Variants in SLC9A9 observed in about 807,000 individuals in gnomAD.
SLC9A9 encodes solute carrier family 9 member A9.
A neutral mutation model predicts 77.8 loss-of-function variants in SLC9A9; 62 were observed. The ratio of observed to expected loss-of-function variants is 0.80; its 90% CI spans 0.65 to 0.98. The LOEUF (loss-of-function observed/expected upper bound fraction) is 0.98. Among genes scored for constraint, SLC9A9 ranks in the 50% least tolerant of loss-of-function variants. The pLI is 0.00. For synonymous variants in SLC9A9, 320 were observed against 283.5 expected (o/e 1.13, Z -1.29); for missense variants, 775 against 774.9 (o/e 1.00, Z 0.00).
At chr3:143,316,211 C>A (rs1411363709) in intron 14 of SLC9A9, among the ~76,000 whole-genome samples, 2 of 152,140 alleles carry the variant, frequency 1.3e-5, no homozygotes, top group Admixed American at 1.3e-4. Context: ...AAATTTGGCC[C>A]CTTGGGCAAA....
At chr3:143,585,117 C>T (rs2037520050) in intron 6 of SLC9A9, among the ~76,000 whole-genome samples, 1 of 152,162 alleles carries the variant, frequency 6.6e-6, no homozygotes, top group Non-Finnish European at 1.5e-5. Flanking sequence ...CTGAGAATCC[C>T]TTCACAGCTG....
intron 4 of SLC9A9, among the ~76,000 whole-genome samples, chr3:143,716,405 A>G (rs1160519520): frequency 6.6e-6 from 1 of 151,182 alleles, no homozygotes; most frequent in Non-Finnish European, 1.5e-5. Flanking sequence ...TTTTTTAAGG[A>G]AAATCACATA....
intron 11 of SLC9A9, among the ~76,000 whole-genome samples, chr3:143,489,060 T>C (rs955407913): frequency 1.3e-5 from 2 of 151,944 alleles, no homozygotes; most frequent in African/African-American, 4.8e-5. Context: ...AAAGTCAACA[T>C]GCAAAAATCA....
At chr3:143,415,880 G>A (rs150435789) in intron 12 of SLC9A9, among the ~76,000 whole-genome samples, 200 of 152,288 alleles carry the variant, frequency 1.3e-3, no homozygotes, top group Middle Eastern at 6.8e-3. Flanking sequence ...AGACCTTCTA[G>A]AAAGAATGCA....
At chr3:143,405,359 A>G (rs185484785) in intron 12 of SLC9A9, among the ~76,000 whole-genome samples, 1 of 152,252 alleles carries the variant, frequency 6.6e-6, no homozygotes, top group East Asian at 1.9e-4. Flanking sequence ...TTGGATTGAT[A>G]ATATCTACCC....
chr3:143,467,762 A>AGAGAGAG (rs1553758010), intron 11 of SLC9A9, among the ~76,000 whole-genome samples: 1 of 151,922 alleles, frequency 6.6e-6, no homozygotes. Flanking sequence ...AGAGAGACAG[A>AGAGAGAG]AACATTTCCA....
At chr3:143,295,697 C>A (rs1191429517) in intron 14 of SLC9A9, among the ~76,000 whole-genome samples, 4 of 152,186 alleles carry the variant, frequency 2.6e-5, no homozygotes, top group African/African-American at 9.7e-5. Context: ...TTTATCATCA[C>A]CTACACCCTC....
At chr3:143,442,285 C>A (rs537241138) in intron 12 of SLC9A9, among the ~76,000 whole-genome samples, 1 of 152,212 alleles carries the variant, frequency 6.6e-6, no homozygotes, top group African/African-American at 2.4e-5. Context: ...AGTGGAGATA[C>A]GCCCTCATGT....
chr3:143,825,793 T>A (rs1276131499), intron 2 of SLC9A9, among the ~76,000 whole-genome samples: 2 of 152,190 alleles, frequency 1.3e-5, no homozygotes, highest in Non-Finnish European at 2.9e-5. Context: ...TGATAGGAAG[T>A]GTAAATTTAA....
intron 9 of SLC9A9, among the ~76,000 whole-genome samples, chr3:143,541,459 T>C (rs2036688530): frequency 6.6e-6 from 1 of 152,230 alleles, no homozygotes; most frequent in Non-Finnish European, 1.5e-5. Flanking sequence ...CCAGCAAAGC[T>C]GATACTCCTG....
chr3:143,441,518 C>T (rs536901418), intron 12 of SLC9A9, among the ~76,000 whole-genome samples: 6 of 152,228 alleles, frequency 3.9e-5, no homozygotes, highest in African/African-American at 1.4e-4. Context: ...AAGAGTTAGT[C>T]AAAGGCATCT....
At chr3:143,705,898 A>G (rs564813026) in intron 4 of SLC9A9, among the ~76,000 whole-genome samples, 1 of 152,346 alleles carries the variant, frequency 6.6e-6, no homozygotes, top group South Asian at 2.1e-4. Flanking sequence ...TCTGTTTTCC[A>G]GAAGGAGAGA....
At position 143,585,773 on chromosome 3, in the gene SLC9A9, C is replaced by T. The variant is rs1229903461; in HGVS notation, c.756-7050G>A. On this transcript the variant is annotated intron_variant, in intron 6 of 15. Coordinates refer to ENST00000316549, the MANE Select transcript of SLC9A9 (RefSeq NM_173653.4). ...TCTCAAGGCACATCAAACCCAAGAG[C>T]CTTCAGGTTCTGCTCATGCTGACTC... Among the ~76,000 whole-genome samples, 5 of 152,210 alleles carry T rather than the reference C, an allele frequency of 3.3e-5. No individual in the cohort carries two copies. The East Asian group carries it at 9.6e-4, about 29-fold the overall frequency.
intron 6 of SLC9A9, among the ~76,000 whole-genome samples, chr3:143,600,390 A>G (rs1210300037): frequency 6.6e-6 from 1 of 152,238 alleles, no homozygotes. Context: ...ATACAGCCAT[A>G]AGAAAGGATG....
intron 12 of SLC9A9, among the ~76,000 whole-genome samples, chr3:143,430,652 C>T (rs78461358): frequency 0.016 from 2,364 of 152,280 alleles, 38 homozygotes; most frequent in Non-Finnish European, 0.025. Context: ...GCATGTGGCC[C>T]TCTGGGGGAA....
intron 13 of SLC9A9, among the ~76,000 whole-genome samples, chr3:143,375,993 C>T (rs1576457118): frequency 6.6e-6 from 1 of 152,110 alleles, no homozygotes; most frequent in Non-Finnish European, 1.5e-5. Flanking sequence ...GACTGGCTGG[C>T]AACTCAACCC....
intron 6 of SLC9A9, among the ~76,000 whole-genome samples, chr3:143,608,049 G>A (rs1454401666): frequency 1.3e-5 from 2 of 152,050 alleles, no homozygotes; most frequent in Non-Finnish European, 1.5e-5. Flanking sequence ...AATATATAAT[G>A]AAATATTAAA....
rs2035801224 is a variant in SLC9A9 at position 143,494,504 on chromosome 3, G to A, written c.1204-740C>T. Among the ~76,000 whole-genome samples, 3 of 152,220 alleles carry A rather than the reference G, an allele frequency of 2.0e-5. No homozygotes were observed. The South Asian group carries it at 6.2e-4, about 32-fold the overall frequency. ...TTCAGCTGAATGCTCAATGAAAAGA[G>A]ACTAAGAAGCAAATGCAGATGTTTA... is the stretch of plus-strand genomic sequence containing the variant. On this transcript the variant is annotated intron_variant, in intron 10 of 15. Transcript: ENST00000316549.
intron 6 of SLC9A9, among the ~76,000 whole-genome samples, chr3:143,640,634 G>A (rs999773688): frequency 6.6e-6 from 1 of 152,150 alleles, no homozygotes; most frequent in South Asian, 2.1e-4. Flanking sequence ...GCCAAGGCGG[G>A]ACAATTGCTT....
Sources: allele counts gnomAD v4.1 joint callset (sites outside exome capture counted in the v4.1 genomes callset), GRCh38; gene constraint gnomAD v4.1.1; transcripts MANE v1.5; gene names NCBI Gene and HGNC (gene_info 2026-07-23, HGNC 2026-07-21).